Variants in RIC1 observed in about 807,000 individuals in gnomAD.
RIC1 encodes RIC1 partner of RAB6A GEF complex.
Under a neutral mutation model 169.0 loss-of-function variants are expected in RIC1, and 88 were observed. That is an observed-to-expected ratio of 0.52 (90% CI 0.44 to 0.62). The LOEUF is 0.62. Among genes scored for constraint, RIC1 ranks in the 20% least tolerant of loss-of-function variants. The probability of loss-of-function intolerance (pLI) is 0.00; values close to 1 mark genes in which losing one functional copy is unlikely to be tolerated. For synonymous variants in RIC1, 790 were observed against 601.5 expected (o/e 1.31, Z -4.59); for missense variants, 1,877 against 1,725.5 (o/e 1.09, Z -1.56).
chr9:5,728,001 T>G (rs1350568059), intron 6 of RIC1, among the ~76,000 whole-genome samples: 1 of 152,188 alleles, frequency 6.6e-6, no homozygotes, highest in Admixed American at 6.5e-5. Context: ...AGGGACCCAC[T>G]TGAGGAGGCA....
At chr9:5,745,096 A>T (rs1386091275) in intron 10 of RIC1, among the ~76,000 whole-genome samples, 1 of 152,230 alleles carries the variant, frequency 6.6e-6, no homozygotes, top group Non-Finnish European at 1.5e-5. Flanking sequence ...AATACCAATC[A>T]GTGCTTCTGA....
intron 8 of RIC1, among the ~76,000 whole-genome samples, chr9:5,740,825 A>G (rs1316892368): frequency 1.3e-5 from 2 of 152,094 alleles, no homozygotes; most frequent in Admixed American, 6.6e-5. Context: ...AATACTTTGT[A>G]TCCTTCAATT....
chr9:5,680,495 A>G (rs996337288), intron 2 of RIC1, among the ~76,000 whole-genome samples: 1 of 152,142 alleles, frequency 6.6e-6, no homozygotes. Flanking sequence ...TTGGTAAGCT[A>G]TTAATTATTG....
At position 5,774,056 on chromosome 9, in the gene RIC1, T is replaced by C. The variant is rs1827429284; in HGVS notation, c.4082T>C (p.Ile1361Thr). 6.2e-7 allele frequency: 1 copy of C among 1,613,972 alleles called. No individual in the cohort carries two copies. The highest frequency in any genetic ancestry group is 1.1e-5 in the South Asian group (1 of 91,064). The change falls in exon 26 of 26, where the codon ATA becomes ACA. Residue 1361 changes from isoleucine (I) to threonine (T), a missense_variant. This residue lies in a region of RIC1 where 681 missense variants were observed against 582.0 expected (regional missense o/e 1.17). Coordinates refer to ENST00000414202, the MANE Select transcript of RIC1 (RefSeq NM_020829.4). ...EQVQPDAFQP[I>T]TMGKTPEQTS... ...GTCCAGCCAGATGCCTTCCAACCAA[T>C]AACTATGGGTAAGACTCCAGAACAG...
intron 3 of RIC1, among the ~76,000 whole-genome samples, chr9:5,690,690 T>C (rs77503000): frequency 0.013 from 2,031 of 152,008 alleles, 53 homozygotes; most frequent in African/African-American, 0.046. Flanking sequence ...CAGATTTTAC[T>C]GTGTGAAAAG....
intron 3 of RIC1, chr9:5,712,933 TCAC>T (rs747893762): frequency 7.9e-5 from 12 of 151,750 alleles, no homozygotes; most frequent in East Asian, 1.9e-4. Flanking sequence ...TGGTAATAAA[TCAC>T]CACAAAACTT....
chr9:5,653,579 TA>T (rs1282161870), intron 1 of RIC1, among the ~76,000 whole-genome samples: 1 of 147,760 alleles, frequency 6.8e-6, no homozygotes, highest in South Asian at 2.2e-4. Flanking sequence ...TGTCTCCATT[TA>T]TTTTTTTCTT....
chr9:5,761,137 G>A (rs7027995), intron 17 of RIC1, among the ~76,000 whole-genome samples: 1,328 of 125,584 alleles, frequency 0.011, 39 homozygotes, highest in African/African-American at 0.041. Flanking sequence ...TTTTTGAGAC[G>A]GAGTCTTGCT....
chr9:5,688,700 G>C (rs1209129384), intron 2 of RIC1, among the ~76,000 whole-genome samples: 1 of 152,148 alleles, frequency 6.6e-6, no homozygotes, highest in Non-Finnish European at 1.5e-5. Flanking sequence ...TGGTTTTGCT[G>C]AAGAAACTAA....
At chr9:5,737,495 C>G (rs1824788146) in intron 7 of RIC1, among the ~76,000 whole-genome samples, 1 of 145,714 alleles carries the variant, frequency 6.9e-6, no homozygotes, top group Non-Finnish European at 1.6e-5. Context: ...TACATTAACT[C>G]TTTGTTGTAT....
chr9:5,747,174 C>T, intron 11 of RIC1, 128 bp from the exon 12 acceptor site: 1 of 677,610 alleles, frequency 1.5e-6, no homozygotes, highest in Non-Finnish European at 2.6e-6. Flanking sequence ...TGAAGAAAAT[C>T]AACATCGAGA....
At chr9:5,769,459 T>G in intron 22 of RIC1, 2 of 1,469,970 alleles carry the variant, frequency 1.4e-6, no homozygotes, top group Non-Finnish European at 1.8e-6. Context: ...CTCTAAGTCT[T>G]GTGACCTTGA....
intron 1 of RIC1, 33 bp downstream of exon 1, chr9:5,629,486 G>A (rs1329590103): frequency 1.3e-5 from 20 of 1,504,234 alleles, no homozygotes; most frequent in Non-Finnish European, 1.8e-5. Flanking sequence ...TTTCGCCGCT[G>A]CCTCCCCGGC....
chr9:5,662,615 T>G (rs1052441542), intron 2 of RIC1, among the ~76,000 whole-genome samples: 5 of 152,328 alleles, frequency 3.3e-5, no homozygotes, highest in Non-Finnish European at 5.9e-5. Context: ...GATTTTCTAT[T>G]TAATGTGCAT....
chr9:5,681,481 A>G (rs1201490354), intron 2 of RIC1, among the ~76,000 whole-genome samples: 1 of 152,024 alleles, frequency 6.6e-6, no homozygotes, highest in African/African-American at 2.4e-5. Context: ...CCTGAGTTCT[A>G]GTTTGATTGC....
intron 8 of RIC1, among the ~76,000 whole-genome samples, chr9:5,742,163 A>T (rs1284275268): frequency 6.6e-6 from 1 of 152,070 alleles, no homozygotes; most frequent in Non-Finnish European, 1.5e-5. Flanking sequence ...ATTCTCTCTT[A>T]TACCATGGAT....
rs760733276 is a variant in RIC1, at chr9:5,754,906, T to C, written c.1668T>C (p.Tyr556=). 1.9e-6 allele frequency: 3 copies of C among 1,561,836 alleles called. No homozygotes were observed. Among genetic ancestry groups the C allele is most frequent in the African/African-American group, 1.3e-5 (1 of 74,604 alleles). Residue 556 remains tyrosine, a synonymous_variant, in exon 15 of 26, where the codon TAT becomes TAC. Coordinates refer to ENST00000414202, the MANE Select transcript of RIC1 (RefSeq NM_020829.4). ...ATGATTTTATGGTCCTTGCGTGTTA[T>C]AACATAAATGACCGTCAAGAAGAGG... The part of the protein sequence containing the change: ...WWNDFMVLAC[Y]NINDRQEELR...
At chr9:5,699,495 CT>C (rs201602959) in intron 3 of RIC1, among the ~76,000 whole-genome samples, 40,061 of 142,448 alleles carry the variant, frequency 0.28, 5,968 homozygotes, top group East Asian at 0.61. Context: ...ATTTCAATGT[CT>C]TTTTTTTTTT....
At chr9:5,768,902 T>C (rs748963615) in intron 21 of RIC1, 68 bp from the exon 22 acceptor site, 60 of 1,492,104 alleles carry the variant, frequency 4.0e-5, no homozygotes, top group Non-Finnish European at 5.0e-5. Context: ...TCAGTACCTC[T>C]GCGTAATAAG....
Sources: allele counts gnomAD v4.1 joint callset (sites outside exome capture counted in the v4.1 genomes callset), GRCh38; gene constraint gnomAD v4.1.1; regional missense constraint gnomAD v4.1.1; transcripts MANE v1.5; gene names NCBI Gene and HGNC (gene_info 2026-07-23, HGNC 2026-07-21).